Variants in DNM3 observed in about 807,000 individuals in gnomAD.
DNM3 encodes the protein dynamin 3.
A neutral mutation model predicts 101.6 loss-of-function variants in DNM3; 47 were observed. The observed-to-expected ratio is 0.46, with a 90% confidence interval of 0.37 to 0.59. The LOEUF (loss-of-function observed/expected upper bound fraction) is 0.59. Ranked by LOEUF, DNM3 falls within the 20% of genes least tolerant of loss-of-function variation. DNM3 has a pLI of 0.00. For missense variants in DNM3, 849 were observed against 1,085.7 expected (o/e 0.78, Z 3.06); for synonymous variants, 385 against 387.9 (o/e 0.99, Z 0.09).
At chr1:172,322,024 G>T (rs1198392754) in intron 16 of DNM3, among the ~76,000 whole-genome samples, 1 of 152,062 alleles carries the variant, frequency 6.6e-6, no homozygotes, top group Non-Finnish European at 1.5e-5. Context: ...ACAATGCCAA[G>T]AAACTTCTCT....
chr1:172,246,593 G>T (rs2061963968), intron 14 of DNM3, among the ~76,000 whole-genome samples: 1 of 152,134 alleles, frequency 6.6e-6, no homozygotes, highest in African/African-American at 2.4e-5. Context: ...AAGATGAGAA[G>T]ATACAATTAG....
intron 15 of DNM3, among the ~76,000 whole-genome samples, chr1:172,286,089 A>G (rs548755209): frequency 7.7e-6 from 1 of 130,266 alleles, no homozygotes; most frequent in African/African-American, 3.0e-5. Flanking sequence ...TATATATACT[A>G]TTATCATTTA....
chr1:172,163,517 C>T (rs1226255690), intron 14 of DNM3, among the ~76,000 whole-genome samples: 2 of 151,984 alleles, frequency 1.3e-5, no homozygotes, highest in Admixed American at 6.6e-5. Context: ...GGATTACAGG[C>T]GTGAGCCACT....
rs768909348 is a variant in DNM3, at chr1:172,308,853, A to G, written c.1881+14A>G. 2 of 1,464,354 alleles carry G rather than the reference A, an allele frequency of 1.4e-6. No homozygotes were observed. Among genetic ancestry groups the G allele is most frequent in the South Asian group, 2.4e-5 (2 of 84,174 alleles). 90.7% of individuals were successfully genotyped at this position (1,464,354 alleles called of 1,614,324 possible). A position where few individuals can be genotyped will look rare whatever the true frequency, so the allele number is the denominator to read the frequency against. On this transcript the variant is annotated intron_variant, in intron 16 of 20. Transcript: ENST00000627582. ...GACAAATCTGTAGTAAGTTGGATATATCTCTTATGTAAAAATTATTATTAG... is the reference window on the plus strand; with the variant it reads ...GACAAATCTGTAGTAAGTTGGATATGTCTCTTATGTAAAAATTATTATTAG...
chr1:172,341,800 C>T (rs1288962420), intron 17 of DNM3, among the ~76,000 whole-genome samples: 1 of 152,072 alleles, frequency 6.6e-6, no homozygotes, highest in African/African-American at 2.4e-5. Context: ...TTAGGCGATA[C>T]CATTCTGGAC....
intron 15 of DNM3, among the ~76,000 whole-genome samples, chr1:172,281,199 A>G (rs1443211486): frequency 6.6e-6 from 1 of 152,184 alleles, no homozygotes; most frequent in African/African-American, 2.4e-5. Context: ...TGACAGAAGT[A>G]TAGAGAAGGA....
chr1:172,163,905 G>GCA (rs1315959541), intron 14 of DNM3, among the ~76,000 whole-genome samples: 1 of 151,058 alleles, frequency 6.6e-6, no homozygotes, highest in Non-Finnish European at 1.5e-5. Flanking sequence ...ATATGCACAT[G>GCA]TGTATATATG....
chr1:171,928,973 G>A (rs962353817), intron 2 of DNM3, among the ~76,000 whole-genome samples: 7 of 152,098 alleles, frequency 4.6e-5, no homozygotes, highest in African/African-American at 7.2e-5. Flanking sequence ...TGGGAGCTCC[G>A]TCCCAGGGAG....
intron 11 of DNM3, among the ~76,000 whole-genome samples, chr1:172,081,236 A>G (rs922068372): frequency 6.6e-6 from 1 of 152,158 alleles, no homozygotes; most frequent in African/African-American, 2.4e-5. Context: ...AGCTGGGACT[A>G]TAGGCACACA....
chr1:172,022,984 T>G (rs1247105276), intron 4 of DNM3, among the ~76,000 whole-genome samples: 2 of 152,136 alleles, frequency 1.3e-5, no homozygotes, highest in Admixed American at 6.5e-5. Flanking sequence ...TCTTCCATGA[T>G]ATTGTCTTTT....
intron 16 of DNM3, among the ~76,000 whole-genome samples, chr1:172,320,818 C>T (rs1344563937): frequency 6.6e-6 from 1 of 152,156 alleles, no homozygotes; most frequent in African/African-American, 2.4e-5. Flanking sequence ...TGAGAATTCA[C>T]AAGCCTGCTC....
intron 14 of DNM3, among the ~76,000 whole-genome samples, chr1:172,166,172 C>A (rs1382363877): frequency 6.6e-6 from 1 of 151,946 alleles, no homozygotes; most frequent in Non-Finnish European, 1.5e-5. Context: ...TTCATTATAT[C>A]CCCTGAACTC....
intron 14 of DNM3, among the ~76,000 whole-genome samples, chr1:172,203,473 T>C (rs1490252119): frequency 1.3e-5 from 2 of 152,200 alleles, no homozygotes; most frequent in Non-Finnish European, 2.9e-5. Context: ...AGCAAGTTGT[T>C]TATATGATAT....
chr1:171,898,591 T>A (rs2038017115), intron 1 of DNM3, among the ~76,000 whole-genome samples: 1 of 152,060 alleles, frequency 6.6e-6, no homozygotes, highest in African/African-American at 2.4e-5. Flanking sequence ...TCACCTATAA[T>A]CCAGTTACTT....
chr1:171,979,929 A>G (rs972106147), intron 2 of DNM3, among the ~76,000 whole-genome samples: 1 of 151,972 alleles, frequency 6.6e-6, no homozygotes, highest in African/African-American at 2.4e-5. Flanking sequence ...TTTTGTTTTA[A>G]TTTCCTACTT....
intron 11 of DNM3, 95 bp downstream of exon 11, chr1:172,069,000 T>C: frequency 9.6e-7 from 1 of 1,042,702 alleles, no homozygotes; most frequent in Non-Finnish European, 1.4e-6. Context: ...AGCCTGTCGC[T>C]TAAAGGAAAA....
chr1:172,203,880 G>A (rs1572941516), intron 14 of DNM3, among the ~76,000 whole-genome samples: 1 of 152,136 alleles, frequency 6.6e-6, no homozygotes, highest in African/African-American at 2.4e-5. Flanking sequence ...AGGTTTGCAA[G>A]GCTACTTAAC....
At chr1:171,922,085 A>G (rs2040214789) in intron 2 of DNM3, among the ~76,000 whole-genome samples, 1 of 151,772 alleles carries the variant, frequency 6.6e-6, no homozygotes, top group East Asian at 1.9e-4. Context: ...ATATAATTTT[A>G]CAGTACAGCA....
At chr1:172,065,844 G>C (rs2051613713) in intron 10 of DNM3, among the ~76,000 whole-genome samples, 1 of 152,122 alleles carries the variant, frequency 6.6e-6, no homozygotes, top group Non-Finnish European at 1.5e-5. Context: ...ATAATTCAAA[G>C]AGTTATTGCT....
Sources: gnomAD v4.1 joint callset for allele counts (sites outside exome capture counted in the v4.1 genomes callset) on GRCh38, gnomAD v4.1.1 for gene constraint, MANE v1.5 for transcripts, NCBI Gene and HGNC (gene_info 2026-07-23, HGNC 2026-07-21) for gene names.